The following OMA1 variants were observed in gnomAD, a reference collection of about 807,000 sequenced individuals.
OMA1 encodes metalloendopeptidase OMA1, mitochondrial.
A neutral mutation model predicts 30.9 loss-of-function variants in OMA1; 38 were observed. The ratio of observed to expected loss-of-function variants is 1.23; its 90% CI spans 0.95 to 1.61. The LOEUF is 1.61. Ranked by LOEUF, OMA1 falls within the 40% of genes most tolerant of loss-of-function variation. OMA1 has a pLI of 0.00. For synonymous variants in OMA1, 173 were observed against 121.9 expected, an observed-to-expected ratio of 1.42 and a Z score of -2.76; for missense variants, 461 against 349.2, an observed-to-expected ratio of 1.32 and a Z score of -2.55.
At chr1:58,481,730 G>A (rs895198019) in intron 8 of OMA1, among the ~76,000 whole-genome samples, 1 of 152,082 alleles carries the variant, frequency 6.6e-6, no homozygotes, top group Non-Finnish European at 1.5e-5. Context: ...CATGGAGGTG[G>A]GTGTTTCCCG....
chr1:58,499,121 T>C (rs1290139882), intron 8 of OMA1, among the ~76,000 whole-genome samples: 2 of 151,962 alleles, frequency 1.3e-5, no homozygotes, highest in Non-Finnish European at 2.9e-5. Flanking sequence ...CTAAGTGAAA[T>C]AAGCCAGGTA....
rs749525027 is a variant in OMA1, at chr1:58,506,256, A to G, written c.1216-47T>C. The G allele has an allele frequency of 6.2e-6, 5 of 812,198 alleles. No individual in the cohort carries two copies. The Admixed American group carries it at 9.8e-5, about 16-fold the overall frequency. 50.3% of individuals were successfully genotyped at this position (812,198 alleles called of 1,614,324 possible). A position where few individuals can be genotyped will look rare whatever the true frequency, so the allele number is the denominator to read the frequency against. ...CCACACAATGAGCTCAGTTTTGAGG[A>G]TTTTTTAAAAACTACTACTTTATTT... On this transcript the variant is annotated intron_variant, in intron 7 of 8. Transcript: ENST00000371226.
intron 8 of OMA1, among the ~76,000 whole-genome samples, chr1:58,482,530 G>A (rs1178526012): frequency 6.6e-6 from 1 of 152,184 alleles, no homozygotes; most frequent in African/African-American, 2.4e-5. Flanking sequence ...AGGGGAAAAA[G>A]CTAATTCAGT....
intron 7 of OMA1, among the ~76,000 whole-genome samples, chr1:58,521,328 G>GA (rs35389880): frequency 0.43 from 63,294 of 146,070 alleles, 15,430 homozygotes; most frequent in East Asian, 0.66. Flanking sequence ...GTATGTACTA[G>GA]AAAAAAAAAA....
At chr1:58,516,159 T>TC (rs2100439184) in intron 7 of OMA1, among the ~76,000 whole-genome samples, 1 of 151,834 alleles carries the variant, frequency 6.6e-6, no homozygotes, top group East Asian at 1.9e-4. Flanking sequence ...CATCAATAAT[T>TC]CCCCCCACTT....
At chr1:58,534,577 T>C (rs1646487209) in intron 3 of OMA1, among the ~76,000 whole-genome samples, 3 of 152,256 alleles carry the variant, frequency 2.0e-5, no homozygotes, top group Admixed American at 6.5e-5. Context: ...AAAATTTCAT[T>C]CTTTTCGATT....
chr1:58,514,447 G>A (rs1438466367), intron 7 of OMA1, among the ~76,000 whole-genome samples: 3 of 152,146 alleles, frequency 2.0e-5, no homozygotes, highest in South Asian at 2.1e-4. Flanking sequence ...AAGATGAAAA[G>A]TATCTCTGAA....
chr1:58,535,656 A>G (rs2100486065), intron 3 of OMA1, among the ~76,000 whole-genome samples: 1 of 151,888 alleles, frequency 6.6e-6, no homozygotes, highest in African/African-American at 2.4e-5. Flanking sequence ...GCTACTGGAC[A>G]TGAATTCGAA....
In OMA1 at chr1:58,480,939, A is replaced by G. The variant is rs764162272; in HGVS notation, c.*26T>C. On this transcript the variant is annotated 3_prime_UTR_variant, in exon 9 of 9. Transcript: ENST00000371226. ...TGATAAGGACTGCAACATTCTTCAT[A>G]TATCTTGTGTCTCATAAATTTTAAT... is the stretch of plus-strand genomic sequence containing the variant. 1.5e-5 allele frequency: 13 copies of G among 842,120 alleles called. No homozygotes were observed. The Admixed American group carries it at 2.0e-4, about 13-fold the overall frequency. 52.2% of individuals were successfully genotyped at this position (842,120 alleles called of 1,614,324 possible).
At chr1:58,485,970 C>T (rs1645570000) in intron 8 of OMA1, among the ~76,000 whole-genome samples, 2 of 152,206 alleles carry the variant, frequency 1.3e-5, no homozygotes, top group South Asian at 2.1e-4. Flanking sequence ...TTCTGAGAAT[C>T]CTGAGGAAGA....
chr1:58,481,680 A>T (rs1306741453), intron 8 of OMA1, among the ~76,000 whole-genome samples: 6 of 149,292 alleles, frequency 4.0e-5, no homozygotes, highest in Non-Finnish European at 7.5e-5. Context: ...CTTGAATTGC[A>T]GTTCCCATAA....
At chr1:58,506,811 C>G (rs1257335895) in intron 7 of OMA1, among the ~76,000 whole-genome samples, 2 of 151,968 alleles carry the variant, frequency 1.3e-5, no homozygotes, top group Non-Finnish European at 2.9e-5. Context: ...ATCAATTTAC[C>G]CAATTTTCTC....
intron 8 of OMA1, among the ~76,000 whole-genome samples, chr1:58,499,953 G>C (rs1365100744): frequency 6.6e-6 from 1 of 151,760 alleles, no homozygotes; most frequent in Non-Finnish European, 1.5e-5. Context: ...GTAAAAGTAA[G>C]TTTAAAAAAA....
chr1:58,527,249 T>C lies in OMA1; in HGVS notation c.1215+12A>G. 1.1e-6 allele frequency: 1 copy of C among 872,034 alleles called. No individual in the cohort carries two copies. The highest frequency in any genetic ancestry group is 1.7e-5 in the Admixed American group (1 of 59,168). 54.0% of individuals were successfully genotyped at this position (872,034 alleles called of 1,614,324 possible). On this transcript the variant is annotated intron_variant, in intron 7 of 8. Coordinates refer to ENST00000371226, the MANE Select transcript of OMA1 (RefSeq NM_145243.5). Reference sequence around the variant, plus strand: ...AAGGGCATTATGTATTCTCAACTACTAAACACTTTACCTTTGCAGCAAGCA... The same window carrying C: ...AAGGGCATTATGTATTCTCAACTACCAAACACTTTACCTTTGCAGCAAGCA...
chr1:58,536,674 T>G lies in OMA1; in HGVS notation c.568A>C (p.Lys190Gln). The G allele has an allele frequency of 1.1e-6, 1 of 872,830 alleles. No individual in the cohort carries two copies. 54.1% of individuals were successfully genotyped at this position (872,830 alleles called of 1,614,324 possible). A position where few individuals can be genotyped will look rare whatever the true frequency, so the allele number is the denominator to read the frequency against. Residue 190 changes from lysine (K) to glutamine (Q), a missense_variant, in exon 3 of 9, where the codon AAG becomes CAG. Lys to Gln is a moderately conservative substitution (Grantham distance 53, BLOSUM62 1). Coordinates refer to ENST00000371226, the MANE Select transcript of OMA1 (RefSeq NM_145243.5). ...CCAAGGAATAGCTTCCATTTATTCT[T>G]CCTTATATTTTCTTTAACTACTTCC... is the stretch of plus-strand genomic sequence containing the variant. ...KKEVVKENIR[K>Q]NKWKLFLGLS...
chr1:58,535,731 C>T (rs1646506475), intron 3 of OMA1, among the ~76,000 whole-genome samples: 1 of 152,106 alleles, frequency 6.6e-6, no homozygotes, highest in Admixed American at 6.5e-5. Flanking sequence ...AGAAAATGAC[C>T]TCTGTCCCTA....
chr1:58,529,592 G>C (rs1281207490), intron 6 of OMA1, among the ~76,000 whole-genome samples: 2 of 152,228 alleles, frequency 1.3e-5, no homozygotes, highest in African/African-American at 2.4e-5. Flanking sequence ...GGATGGCAAA[G>C]TAGCTTTAGC....
At chr1:58,482,773 A>T (rs555288197) in intron 8 of OMA1, among the ~76,000 whole-genome samples, 2 of 152,272 alleles carry the variant, frequency 1.3e-5, no homozygotes, top group South Asian at 4.1e-4. Flanking sequence ...CTGCGAGTAC[A>T]AGGGAGATGG....
intron 8 of OMA1, among the ~76,000 whole-genome samples, chr1:58,492,710 A>C (rs1249877769): frequency 6.6e-6 from 1 of 152,206 alleles, no homozygotes; most frequent in Non-Finnish European, 1.5e-5. Context: ...CCCAAGACTA[A>C]ACCAGGAAGA....
Sources: gnomAD v4.1 joint callset for allele counts (sites outside exome capture counted in the v4.1 genomes callset) on GRCh38, gnomAD v4.1.1 for gene constraint, MANE v1.5 for transcripts, NCBI Gene and HGNC (gene_info 2026-07-23, HGNC 2026-07-21) for gene names.